Variants in RGS6 observed in about 807,000 individuals in gnomAD.
RGS6 encodes regulator of G-protein signaling 6.
In RGS6, 30 loss-of-function variants were observed where a neutral mutation model predicts 78.5. That is an observed-to-expected ratio of 0.38 (90% confidence interval 0.29 to 0.52). The LOEUF (loss-of-function observed/expected upper bound fraction) is 0.52, where lower values mean the gene tolerates loss of function less well. Among genes scored for constraint, RGS6 ranks in the 20% least tolerant of loss-of-function variants. The probability of loss-of-function intolerance (pLI) is 0.85; values close to 1 mark genes in which losing one functional copy is unlikely to be tolerated. For missense variants in RGS6, 495 were observed against 609.7 expected, an observed-to-expected ratio of 0.81 and a Z score of 1.98; for synonymous variants, 206 against 206.0, an observed-to-expected ratio of 1.00 and a Z score of 0.00.
At chr14:72,433,120 A>G (rs2094727271) in intron 3 of RGS6, among the ~76,000 whole-genome samples, 1 of 152,158 alleles carries the variant, frequency 6.6e-6, no homozygotes, top group Admixed American at 6.5e-5. Flanking sequence ...CACGGTCAGA[A>G]ATGATTGGTG....
chr14:72,304,655 G>T (rs2066836183), intron 2 of RGS6, among the ~76,000 whole-genome samples: 1 of 152,090 alleles, frequency 6.6e-6, no homozygotes, highest in South Asian at 2.1e-4. Flanking sequence ...GGCGGGAGTG[G>T]ATCACCTGAG....
chr14:72,529,849 C>A (rs145411637), intron 15 of RGS6, among the ~76,000 whole-genome samples: 4 of 152,180 alleles, frequency 2.6e-5, no homozygotes, highest in Admixed American at 2.0e-4. Flanking sequence ...TGGCTAAATG[C>A]GTCTCTGTGC....
At chr14:72,473,343 C>T (rs2096141464) in intron 9 of RGS6, among the ~76,000 whole-genome samples, 1 of 152,158 alleles carries the variant, frequency 6.6e-6, no homozygotes, top group Non-Finnish European at 1.5e-5. Context: ...ACTCGGGAGG[C>T]TGAGGCAGGA....
At chr14:72,295,466 C>T (rs990046728) in intron 2 of RGS6, among the ~76,000 whole-genome samples, 3 of 152,030 alleles carry the variant, frequency 2.0e-5, no homozygotes, top group African/African-American at 7.2e-5. Context: ...GAGACTCCCC[C>T]AGGACCCAGT....
At position 72,289,792 on chromosome 14, in the gene RGS6, T is replaced by C. The variant is rs192256719; in HGVS notation, c.85-62303T>C. Among the ~76,000 whole-genome samples the C allele has an allele frequency of 2.3e-4, 35 of 152,216 alleles. 1 individual carries two copies. The East Asian group carries it at 6.8e-3, about 29-fold the overall frequency. ...ACATACTTACAAAACTTAAATAGAG[T>C]ACATTATCTCATGTGGACAGGTGGT... is the stretch of plus-strand genomic sequence containing the variant. On this transcript the variant is annotated intron_variant, in intron 2 of 17. Transcript: ENST00000553525.
intron 2 of RGS6, among the ~76,000 whole-genome samples, chr14:72,221,871 C>T (rs976179379): frequency 2.0e-5 from 3 of 152,156 alleles, no homozygotes; most frequent in South Asian, 4.1e-4. Context: ...TGGGGTCAAT[C>T]CCATTAACCC....
At chr14:72,320,636 G>C (rs2071680375) in intron 2 of RGS6, among the ~76,000 whole-genome samples, 1 of 151,480 alleles carries the variant, frequency 6.6e-6, no homozygotes, top group Non-Finnish European at 1.5e-5. Flanking sequence ...CTTTATCTAA[G>C]AGATGAATGA....
At chr14:72,211,452 G>A (rs115522018) in intron 2 of RGS6, among the ~76,000 whole-genome samples, 282 of 152,240 alleles carry the variant, frequency 1.9e-3, no homozygotes, top group African/African-American at 6.6e-3. Context: ...CTGTGGGTAC[G>A]GACACTTCCT....
chr14:72,196,427 G>A (rs912350749), intron 2 of RGS6, among the ~76,000 whole-genome samples: 2 of 152,198 alleles, frequency 1.3e-5, no homozygotes, highest in African/African-American at 4.8e-5. Flanking sequence ...CGGGTGGGAG[G>A]AGCAGAGCTG....
intron 3 of RGS6, among the ~76,000 whole-genome samples, chr14:72,386,929 G>T (rs1596564753): frequency 6.6e-6 from 1 of 152,138 alleles, no homozygotes; most frequent in Non-Finnish European, 1.5e-5. Flanking sequence ...GGTAGGAAGA[G>T]AATTAGCTGT....
intron 2 of RGS6, among the ~76,000 whole-genome samples, chr14:72,155,629 G>T (rs117538654): frequency 0.012 from 1,856 of 152,234 alleles, 19 homozygotes; most frequent in Non-Finnish European, 0.019. Flanking sequence ...GATTCTTTAC[G>T]TTTATGATGG....
the RGS6 span, among the ~76,000 whole-genome samples, chr14:72,625,395 T>C: frequency 6.6e-6 from 1 of 152,222 alleles, no homozygotes; most frequent in African/African-American, 2.4e-5. Flanking sequence ...TTCAAGTTGC[T>C]TCCTGTGTCC....
At chr14:71,909,091 A>G in the RGS6 span, among the ~76,000 whole-genome samples, 3 of 152,176 alleles carry the variant, frequency 2.0e-5, no homozygotes, top group Non-Finnish European at 4.4e-5. Context: ...GGTCATCTAT[A>G]ACACCAATAG....
intron 2 of RGS6, among the ~76,000 whole-genome samples, chr14:72,315,534 C>G (rs1158275419): frequency 2.0e-5 from 3 of 152,122 alleles, no homozygotes; most frequent in African/African-American, 7.2e-5. Context: ...AAATAAATCC[C>G]CCTGCATTTT....
chr14:71,977,282 C>G, intron 2 of RGS6, among the ~76,000 whole-genome samples: 4 of 69,574 alleles, frequency 5.7e-5, no homozygotes, highest in African/African-American at 1.8e-4. Flanking sequence ...TCCCATTTGT[C>G]AATTTTGGCT....
intron 2 of RGS6, among the ~76,000 whole-genome samples, chr14:72,016,756 A>G (rs1042151607): frequency 3.3e-5 from 5 of 152,202 alleles, no homozygotes; most frequent in African/African-American, 9.6e-5. Context: ...GTTTCACTTC[A>G]GTTTTCTTTT....
At chr14:72,063,117 C>T (rs1460294092) in intron 2 of RGS6, among the ~76,000 whole-genome samples, 10 of 152,158 alleles carry the variant, frequency 6.6e-5, no homozygotes, top group Non-Finnish European at 4.4e-5. Context: ...GCCACCACGC[C>T]TGGCCTGGAT....
In RGS6 at chr14:72,424,524, T is replaced by C. The variant is rs536065067; in HGVS notation, c.185-30004T>C. On this transcript the variant is annotated intron_variant, in intron 3 of 17. Transcript: ENST00000553525. ...AAACTCTTAAAGGAGGTATAATTCTTCCCTTGCTGGGAGTCTTTGTTTCAG... is the reference window on the plus strand; with the variant it reads ...AAACTCTTAAAGGAGGTATAATTCTCCCCTTGCTGGGAGTCTTTGTTTCAG... Among the ~76,000 whole-genome samples the C allele has an allele frequency of 2.9e-3, 445 of 152,216 alleles. 1 individual carries two copies. Among genetic ancestry groups the C allele is most frequent in the Non-Finnish European group, 4.5e-3 (305 of 68,012 alleles).
At chr14:72,533,352 A>G (rs2097206167) in intron 15 of RGS6, among the ~76,000 whole-genome samples, 1 of 152,244 alleles carries the variant, frequency 6.6e-6, no homozygotes, top group African/African-American at 2.4e-5. Flanking sequence ...ATTGCTGTTC[A>G]TTGACAATGC....
Sources: allele counts gnomAD v4.1 joint callset (sites outside exome capture counted in the v4.1 genomes callset), GRCh38; gene constraint gnomAD v4.1.1; transcripts MANE v1.5; gene names NCBI Gene and HGNC (gene_info 2026-07-23, HGNC 2026-07-21).